Variants in NELFB observed in about 807,000 individuals in gnomAD.
NELFB encodes the protein negative elongation factor B.
A neutral mutation model predicts 60.2 loss-of-function variants in NELFB; 34 were observed. The observed-to-expected ratio is 0.56, with a 90% confidence interval of 0.43 to 0.75. The LOEUF (loss-of-function observed/expected upper bound fraction) is 0.75, where lower values mean the gene tolerates loss of function less well. NELFB is among the 30% of genes least tolerant of loss of function. The probability of loss-of-function intolerance (pLI) is 0.00; values close to 1 mark genes in which losing one functional copy is unlikely to be tolerated. For synonymous variants in NELFB, 459 were observed against 382.1 expected, an observed-to-expected ratio of 1.20 and a Z score of -2.35; for missense variants, 770 against 831.6, an observed-to-expected ratio of 0.93 and a Z score of 0.91.
At position 137,270,960 on chromosome 9, in the gene NELFB, C is replaced by T. The variant is rs1161737330; in HGVS notation, c.1490-1121C>T. ...GTGACCACGGACCACGGGCCACTGT[C>T]ACATCTGAGCCAGGTTCACTGCCGC... On this transcript the variant is annotated intron_variant, in intron 10 of 12. Transcript: ENST00000343053. Among the ~76,000 whole-genome samples, 10 of 152,266 alleles carry T rather than the reference C, an allele frequency of 6.6e-5. 1 individual carries two copies. Among genetic ancestry groups the T allele is most frequent in the Admixed American group, 6.5e-4 (10 of 15,286 alleles).
rs563375007 is a variant in NELFB at position 137,269,740 on chromosome 9, G to A, written c.1490-2341G>A. The stretch of plus-strand genomic sequence containing the variant: ...ATTTGTGTCAGTCACTGTGGAGTTC[G>A]CACAATGACAGACTCACCTGGGAGG... On this transcript the variant is annotated intron_variant, in intron 10 of 12. Transcript: ENST00000343053. This position sits in a 1 kb window ranked among gnomAD's most constrained non-coding sequence, Gnocchi z 5.3. Among the ~76,000 whole-genome samples, 9 of 152,210 alleles carry A rather than the reference G, an allele frequency of 5.9e-5. No homozygotes were observed. In the East Asian group the frequency reaches 1.2e-3, roughly 20 times the overall value.
At chr9:137,256,769 G>T in intron 3 of NELFB, 55 bp from the exon 4 acceptor site, 1 of 1,567,812 alleles carries the variant, frequency 6.4e-7, no homozygotes. Flanking sequence ...GGCTTGTCTT[G>T]AAGGAGACCC....
chr9:137,269,044 T>C lies in NELFB; in HGVS notation c.1489+1698T>C, dbSNP rs186719453. On this transcript the variant is annotated intron_variant, in intron 10 of 12. Coordinates refer to ENST00000343053, the MANE Select transcript of NELFB (RefSeq NM_015456.5). The surrounding 1 kb of genome is among the most constrained non-coding windows in gnomAD (Gnocchi z 5.3). ...CCCTCACGACCTCAGCAGTGTTGCGTTGGGGATCAGGTTTCCGATGGTGAA... is the reference window on the plus strand; with the variant it reads ...CCCTCACGACCTCAGCAGTGTTGCGCTGGGGATCAGGTTTCCGATGGTGAA... 5.4e-4 allele frequency among the ~76,000 whole-genome samples: 82 copies of C among 151,910 alleles called. No individual in the cohort carries two copies. The highest frequency in any genetic ancestry group is 1.0e-3 in the Non-Finnish European group (68 of 67,976).
chr9:137,255,454 C>T lies in NELFB; in HGVS notation c.89C>T (p.Pro30Leu), dbSNP rs1302589046. The T allele has an allele frequency of 1.4e-6, 2 of 1,446,604 alleles. No individual in the cohort carries two copies. The highest frequency in any genetic ancestry group is 1.8e-6 in the Non-Finnish European group (2 of 1,092,432). 89.6% of individuals were successfully genotyped at this position (1,446,604 alleles called of 1,614,324 possible). ...GCTTCTGGGGTGTCTGCGGCGGCGC[C>T]GGGGGAACGGGCTGGGGATGGGGCG... Residue 30 changes from proline (P) to leucine (L), a missense_variant, in exon 1 of 13, where the codon CCG becomes CTG. By Grantham distance (98) the Pro-to-Leu change is moderately conservative. Transcript: ENST00000343053.
Position 137,257,027 on chromosome 9 carries a change from T to A in NELFB, c.714T>A (p.Pro238=). ...CTGTCCTGCACAACTTTTTCAGTCCTTCCCCCAAGACCAGGCGCCAGGGCG... is the reference window on the plus strand; with the variant it reads ...CTGTCCTGCACAACTTTTTCAGTCCATCCCCCAAGACCAGGCGCCAGGGCG... The change falls in exon 4 of 13, where the codon CCT becomes CCA. Residue 238 remains proline, a synonymous_variant. Coordinates refer to ENST00000343053, the MANE Select transcript of NELFB (RefSeq NM_015456.5). The A allele has an allele frequency of 6.2e-7, 1 of 1,613,108 alleles. No individual in the cohort carries two copies. Among genetic ancestry groups the A allele is most frequent in the Non-Finnish European group, 8.5e-7 (1 of 1,179,466 alleles).
rs1038226640 is a variant in NELFB, at chr9:137,255,771, G to T, written c.247-136G>T. 4 of 1,494,268 alleles carry T rather than the reference G, an allele frequency of 2.7e-6. No homozygotes were observed. The East Asian group carries it at 9.1e-5, about 34-fold the overall frequency. The allele number at this position is 1,494,268 out of a possible 1,614,324, so 92.6% of individuals were successfully genotyped here. On this transcript the variant is annotated intron_variant, in intron 1 of 12. Coordinates refer to ENST00000343053, the MANE Select transcript of NELFB (RefSeq NM_015456.5). ...GGAGCCAGCACCCCTTTGCTGGACGGCTGGGTGGCTTTCGGTGGCTGCGGT... is the reference window on the plus strand; with the variant it reads ...GGAGCCAGCACCCCTTTGCTGGACGTCTGGGTGGCTTTCGGTGGCTGCGGT...
At chr9:137,266,052 G>A (rs2118985264) in intron 7 of NELFB, 73 bp downstream of exon 7, 9 of 1,208,132 alleles carry the variant, frequency 7.4e-6, no homozygotes, top group Non-Finnish European at 1.1e-5. Flanking sequence ...TGGTCAGGGT[G>A]TGGACAGCAG....
chr9:137,255,684 G>C (rs1837539299), intron 1 of NELFB, 73 bp downstream of exon 1: 1 of 1,477,906 alleles, frequency 6.8e-7, no homozygotes, highest in African/African-American at 1.4e-5. Flanking sequence ...GGGCCTGGCG[G>C]AGGCGCCGGA....
Position 137,255,477 on chromosome 9 carries a change from G to T in NELFB, c.112G>T (p.Ala38Ser), listed in dbSNP as rs1374885686. The T allele has an allele frequency of 1.3e-6, 2 of 1,519,198 alleles. No homozygotes were observed. Among genetic ancestry groups the T allele is most frequent in the Non-Finnish European group, 1.8e-6 (2 of 1,133,656 alleles). The allele number at this position is 1,519,198 out of a possible 1,614,324, so 94.1% of individuals were successfully genotyped here. A position where few individuals can be genotyped will look rare whatever the true frequency, so the allele number is the denominator to read the frequency against. The change falls in exon 1 of 13, where the codon GCG becomes TCG. Residue 38 changes from alanine to serine, a missense_variant. Ala to Ser is a moderately conservative substitution (Grantham distance 99). Transcript: ENST00000343053. ...GCCGGGGGAACGGGCTGGGGATGGG[G>T]CGCCTAGCCGGGCGGTGGCCGGGGC...
Position 137,265,939 on chromosome 9 carries a change from G to A in NELFB, c.1103G>A (p.Arg368Lys). The change falls in exon 7 of 13, where the codon AGG becomes AAG. Residue 368 changes from arginine to lysine, a missense_variant. Transcript: ENST00000343053. ...AACACGCTGGCACTGAGCACAGTCA[G>A]GCACCTGCAGGAGCTGGTCGGCCAG... 6.2e-7 allele frequency: 1 copy of A among 1,613,182 alleles called. No homozygotes were observed. Among genetic ancestry groups the A allele is most frequent in the Non-Finnish European group, 8.5e-7 (1 of 1,179,940 alleles).
intron 4 of NELFB, 126 bp from the exon 5 acceptor site, chr9:137,262,911 G>C: frequency 1.0e-6 from 1 of 966,310 alleles, no homozygotes; most frequent in Non-Finnish European, 1.5e-6. Context: ...AGGAGGGAAT[G>C]TTTTCTGCCA....
chr9:137,258,487 C>G (rs1189921443), intron 4 of NELFB, among the ~76,000 whole-genome samples: 19 of 147,444 alleles, frequency 1.3e-4, no homozygotes, highest in Admixed American at 8.9e-4. Context: ...CTTGCTCTGT[C>G]ACCCAGACTG....
chr9:137,273,242 G>A lies in NELFB; in HGVS notation c.*314G>A. The stretch of plus-strand genomic sequence containing the variant: ...CCAAGGGGAGAGGGCGGGGCCTGAG[G>A]GTGGGGGCGGGGCCTCTTCATTGGC... On this transcript the variant is annotated 3_prime_UTR_variant, in exon 13 of 13. Coordinates refer to ENST00000343053, the MANE Select transcript of NELFB (RefSeq NM_015456.5). 3.2e-6 allele frequency: 1 copy of A among 310,894 alleles called. No individual in the cohort carries two copies. The highest frequency in any genetic ancestry group is 4.6e-5 in the Admixed American group (1 of 21,618). The allele number at this position is 310,894 out of a possible 1,614,324, so 19.3% of individuals were successfully genotyped here. A position where few individuals can be genotyped will look rare whatever the true frequency, so the allele number is the denominator to read the frequency against.
rs1290064526 is a variant in NELFB, at chr9:137,255,330, TGCGGGACGCGCGCGGAGTCGCGCGGCGG to T, written c.-28_-1del. 1.8e-5 allele frequency: 6 copies of T among 335,694 alleles called. No homozygotes were observed. The highest frequency in any genetic ancestry group is 1.3e-4 in the African/African-American group (6 of 45,388). The allele number at this position is 335,694 out of a possible 1,614,324, so 20.8% of individuals were successfully genotyped here. ...GCGGTGCGGGGCGGAAGTGGGCGGC[TGCGGGACGCGCGCGGAGTCGCGCGGCGG>T]GCGGGACCTGGCCGAGCTGGAGGGC... On this transcript the variant is annotated 5_prime_UTR_variant, in exon 1 of 13. Coordinates refer to ENST00000343053, the MANE Select transcript of NELFB (RefSeq NM_015456.5).
chr9:137,258,654 C>T (rs1007347801), intron 4 of NELFB, among the ~76,000 whole-genome samples: 4 of 151,296 alleles, frequency 2.6e-5, no homozygotes, highest in Admixed American at 2.0e-4. Context: ...AGGGTTTCAC[C>T]ATGTTGACCA....
chr9:137,260,204 C>G (rs1830415930), intron 4 of NELFB, among the ~76,000 whole-genome samples: 2 of 150,988 alleles, frequency 1.3e-5, no homozygotes, highest in South Asian at 4.2e-4. Context: ...CGCCCACCAC[C>G]ACGCCCAGCT....
chr9:137,268,303 C>T (rs762957826), intron 10 of NELFB, among the ~76,000 whole-genome samples: 21 of 152,088 alleles, frequency 1.4e-4, no homozygotes, highest in African/African-American at 3.6e-4. Flanking sequence ...AGGGCAGGGA[C>T]GGCCGGGCAC....
At chr9:137,266,524 C>T (rs1052200121) in intron 8 of NELFB, 98 bp downstream of exon 8, 56 of 1,015,240 alleles carry the variant, frequency 5.5e-5, no homozygotes, top group Non-Finnish European at 7.6e-5. Context: ...TTGTGGAGGC[C>T]CCTTTGGTCC....
At chr9:137,262,949 A>G (rs1830467340) in intron 4 of NELFB, 88 bp from the exon 5 acceptor site, 3 of 1,428,110 alleles carry the variant, frequency 2.1e-6, no homozygotes, top group South Asian at 2.5e-5. Context: ...ATGTCCAGAG[A>G]GAGGGCCGCG....
Sources: gnomAD v4.1 joint callset for allele counts (sites outside exome capture counted in the v4.1 genomes callset) on GRCh38, gnomAD v4.1.1 for gene constraint, Gnocchi (gnomAD v3.1) non-coding constraint, MANE v1.5 for transcripts, NCBI Gene and HGNC (gene_info 2026-07-23, HGNC 2026-07-21) for gene names.